Variants in SIM2 observed in about 807,000 individuals in gnomAD.
SIM2 encodes the protein SIM bHLH transcription factor 2, also known as single-minded homolog 2.
In SIM2, 28 loss-of-function variants were observed where a neutral mutation model predicts 64.8. The ratio of observed to expected loss-of-function variants is 0.43; its 90% CI spans 0.32 to 0.59. The LOEUF (loss-of-function observed/expected upper bound fraction) is 0.59. Among genes scored for constraint, SIM2 ranks in the 20% least tolerant of loss-of-function variants. SIM2 has a pLI of 0.07. For synonymous variants in SIM2, 408 were observed against 391.1 expected (o/e 1.04, Z -0.51); for missense variants, 847 against 871.4 (o/e 0.97, Z 0.35).
intron 5 of SIM2, among the ~76,000 whole-genome samples, chr21:36,725,187 A>C (rs1601699207): frequency 1.3e-5 from 2 of 152,088 alleles, no homozygotes; most frequent in East Asian, 3.9e-4. Flanking sequence ...CTCTACAAAA[A>C]ATTTTTTAAA....
chr21:36,741,679 C>T (rs374194854), intron 7 of SIM2, 38 bp from the exon 8 acceptor site: 19 of 1,605,360 alleles, frequency 1.2e-5, no homozygotes, highest in African/African-American at 4.0e-5. Context: ...GTGGGGCCTG[C>T]GAAGCGTCTG....
intron 7 of SIM2, among the ~76,000 whole-genome samples, chr21:36,732,857 C>T (rs1020444276): frequency 2.0e-5 from 3 of 152,286 alleles, no homozygotes; most frequent in Admixed American, 2.0e-4. Flanking sequence ...CTTGATCAGG[C>T]GGGTGTGAAG....
chr21:36,740,614 CACAG>C (rs2089147951), intron 7 of SIM2, among the ~76,000 whole-genome samples: 1 of 152,184 alleles, frequency 6.6e-6, no homozygotes, highest in Non-Finnish European at 1.5e-5. Context: ...CGTAAAGGGC[CACAG>C]ACAGCCCAGG....
chr21:36,720,089 G>A, intron 4 of SIM2, 160 bp downstream of exon 4: 1 of 599,798 alleles, frequency 1.7e-6, no homozygotes, highest in Non-Finnish European at 3.0e-6. Context: ...CACCACGTGG[G>A]GATTTGCATT....
chr21:36,721,816 A>G (rs913461818), intron 4 of SIM2, among the ~76,000 whole-genome samples: 1 of 152,170 alleles, frequency 6.6e-6, no homozygotes, highest in African/African-American at 2.4e-5. Context: ...TGCCTGGGTC[A>G]TAACCTCCCA....
chr21:36,748,126 G>A lies in SIM2; in HGVS notation c.*34G>A. On this transcript the variant is annotated 3_prime_UTR_variant, in exon 11 of 11. Coordinates refer to ENST00000290399, the MANE Select transcript of SIM2 (RefSeq NM_005069.6). Reference sequence around the variant, plus strand: ...CCGCCCGCGCCAGGAGCCTGGACCCGGCCTCCCGGGGCTGCGGCGCCACCG... The same window carrying A: ...CCGCCCGCGCCAGGAGCCTGGACCCAGCCTCCCGGGGCTGCGGCGCCACCG... 1 of 1,143,884 alleles carries A rather than the reference G, an allele frequency of 8.7e-7. No individual in the cohort carries two copies. The allele number at this position is 1,143,884 out of a possible 1,614,324, so 70.9% of individuals were successfully genotyped here.
In SIM2 at chr21:36,749,857, C is replaced by T. The variant is rs190163767; in HGVS notation, c.*1765C>T. On this transcript the variant is annotated 3_prime_UTR_variant, in exon 11 of 11. Transcript: ENST00000290399. Reference sequence around the variant, plus strand: ...TTTAGTAAAAATAAATCAAGGCTATCGGAGCAGTTCAATAACAAAGGTTAC... The same window carrying T: ...TTTAGTAAAAATAAATCAAGGCTATTGGAGCAGTTCAATAACAAAGGTTAC... The T allele has an allele frequency of 4.1e-4, 63 of 152,212 alleles. No individual in the cohort carries two copies. Among genetic ancestry groups the T allele is most frequent in the African/African-American group, 1.1e-3 (47 of 41,524 alleles). The allele number at this position is 152,212 out of a possible 1,614,324, so 9.4% of individuals were successfully genotyped here.
chr21:36,747,965 C>T lies in SIM2; in HGVS notation c.1877C>T (p.Pro626Leu). Reference protein sequence around the residue: ...APAASGLACAPGGPEAATGAL... With the variant: ...APAASGLACALGGPEAATGAL... ...GCCGCCTCCGGCCTGGCCTGCGCTC[C>T]CGGCGGCCCCGAGGCGGCGACCGGC... The change falls in exon 11 of 11, where the codon CCC (proline) becomes CTC (leucine). Residue 626 changes from proline (P) to leucine (L), a missense_variant. Transcript: ENST00000290399. This position sits in a 1 kb window ranked among gnomAD's most constrained non-coding sequence, Gnocchi z 4.5. The T allele has an allele frequency of 5.0e-6, 5 of 1,006,654 alleles. No individual in the cohort carries two copies. Among genetic ancestry groups the T allele is most frequent in the Non-Finnish European group, 5.9e-6 (5 of 846,596 alleles). The allele number at this position is 1,006,654 out of a possible 1,614,324, so 62.4% of individuals were successfully genotyped here. A position where few individuals can be genotyped will look rare whatever the true frequency, so the allele number is the denominator to read the frequency against.
chr21:36,722,969 A>T (rs2088843343), intron 4 of SIM2, 76 bp from the exon 5 acceptor site: 1 of 1,123,460 alleles, frequency 8.9e-7, no homozygotes, highest in Non-Finnish European at 1.4e-6. Flanking sequence ...CCCTGGGAAC[A>T]CATTGGTGCG....
At chr21:36,720,034 A>G (rs2088803875) in intron 4 of SIM2, 105 bp downstream of exon 4, 1 of 796,042 alleles carries the variant, frequency 1.3e-6, no homozygotes, top group Non-Finnish European at 2.2e-6. Context: ...GCTGGGCATG[A>G]CTAGGACTGC....
At chr21:36,720,200 C>A in intron 4 of SIM2, 1 of 400,278 alleles carries the variant, frequency 2.5e-6, no homozygotes, top group Admixed American at 3.4e-5. Context: ...AAGCCTGCTC[C>A]CCTCGTGCTC....
intron 7 of SIM2, among the ~76,000 whole-genome samples, chr21:36,735,532 T>A (rs1172684722): frequency 6.6e-6 from 1 of 151,392 alleles, no homozygotes; most frequent in Non-Finnish European, 1.5e-5. Flanking sequence ...CCCCACACTC[T>A]CCAGCTCTGT....
intron 7 of SIM2, among the ~76,000 whole-genome samples, chr21:36,738,332 C>T (rs1041565192): frequency 6.6e-6 from 1 of 152,134 alleles, no homozygotes; most frequent in Non-Finnish European, 1.5e-5. Flanking sequence ...TAGTGAAACC[C>T]CGTCTCTACT....
chr21:36,719,371 T>G (rs569514627), intron 3 of SIM2, among the ~76,000 whole-genome samples: 3 of 152,236 alleles, frequency 2.0e-5, no homozygotes, highest in Non-Finnish European at 4.4e-5. Context: ...TGGACAACAC[T>G]TCCACAGGGA....
At chr21:36,700,785 G>A (rs938551419) in intron 1 of SIM2, among the ~76,000 whole-genome samples, 2 of 152,250 alleles carry the variant, frequency 1.3e-5, no homozygotes, top group African/African-American at 4.8e-5. Flanking sequence ...GGCTGAAAGA[G>A]AGGGGTCCGA....
chr21:36,736,816 C>G (rs961526761), intron 7 of SIM2, among the ~76,000 whole-genome samples: 1 of 148,618 alleles, frequency 6.7e-6, no homozygotes, highest in African/African-American at 2.5e-5. Flanking sequence ...TCTTTCCTCC[C>G]TCCCTCCCTT....
At chr21:36,702,804 C>T (rs2212927) in intron 1 of SIM2, among the ~76,000 whole-genome samples, 3,219 of 152,038 alleles carry the variant, frequency 0.021, 116 homozygotes, top group African/African-American at 0.073. Flanking sequence ...GTGGCAGGGG[C>T]TCTCAGATCG....
At chr21:36,711,419 C>T (rs1365955673) in intron 2 of SIM2, among the ~76,000 whole-genome samples, 3 of 152,220 alleles carry the variant, frequency 2.0e-5, no homozygotes, top group African/African-American at 7.2e-5. Flanking sequence ...TGCTGATTTT[C>T]AACCTTAGCA....
Position 36,748,008 on chromosome 21 carries a change from C to T in SIM2, c.1920C>T (p.His640=). 1 of 1,137,320 alleles carries T rather than the reference C, an allele frequency of 8.8e-7. No homozygotes were observed. Among genetic ancestry groups the T allele is most frequent in the Non-Finnish European group, 1.1e-6 (1 of 928,454 alleles). 70.5% of individuals were successfully genotyped at this position (1,137,320 alleles called of 1,614,324 possible). ...CGACCGGCGCGCTGCGGCTCCGGCA[C>T]CCGAGCCCCGCCGCCACCTCCCCGC... ...EAATGALRLR[H]PSPAATSPPG... Residue 640 remains histidine, a synonymous_variant, in exon 11 of 11, where the codon CAC becomes CAT. Transcript: ENST00000290399.
Sources: gnomAD v4.1 joint callset for allele counts (sites outside exome capture counted in the v4.1 genomes callset) on GRCh38, gnomAD v4.1.1 for gene constraint, Gnocchi (gnomAD v3.1) non-coding constraint, MANE v1.5 for transcripts, NCBI Gene and HGNC (gene_info 2026-07-23, HGNC 2026-07-21) for gene names.